Variants in CLPB observed in about 807,000 individuals in gnomAD.
CLPB encodes the protein mitochondrial disaggregase.
Under a neutral mutation model 78.4 loss-of-function variants are expected in CLPB, and 40 were observed. That is an observed-to-expected ratio of 0.51 (90% CI 0.40 to 0.66). The LOEUF is 0.66. CLPB is among the 30% of genes least tolerant of loss of function. The probability of loss-of-function intolerance (pLI) is 0.00; values close to 1 mark genes in which losing one functional copy is unlikely to be tolerated. For missense variants in CLPB, 780 were observed against 886.9 expected (o/e 0.88, Z 1.53); for synonymous variants, 333 against 348.0 (o/e 0.96, Z 0.48).
At chr11:72,394,922 T>G (rs1855361329) in intron 3 of CLPB, among the ~76,000 whole-genome samples, 3 of 152,184 alleles carry the variant, frequency 2.0e-5, no homozygotes. Context: ...CAAGGTACCC[T>G]GCTCAGGGGT....
At chr11:72,332,033 A>C (rs1950235848) in intron 5 of CLPB, among the ~76,000 whole-genome samples, 2 of 152,216 alleles carry the variant, frequency 1.3e-5, no homozygotes, top group African/African-American at 4.8e-5. Flanking sequence ...TAGGAAATAC[A>C]ATCCAGGTGA....
At chr11:72,375,319 T>G (rs560820099) in intron 4 of CLPB, among the ~76,000 whole-genome samples, 2 of 152,282 alleles carry the variant, frequency 1.3e-5, no homozygotes, top group African/African-American at 4.8e-5. Context: ...GCCTTCAGAA[T>G]AGAGAATGAG....
chr11:72,342,629 G>A (rs1430070352), intron 5 of CLPB, among the ~76,000 whole-genome samples: 1 of 152,290 alleles, frequency 6.6e-6, no homozygotes, highest in Non-Finnish European at 1.5e-5. Flanking sequence ...TCAGTGGGGA[G>A]GGAAAGGCTC....
chr11:72,352,556 A>G (rs992177690), intron 5 of CLPB: 2 of 152,250 alleles, frequency 1.3e-5, no homozygotes, highest in African/African-American at 4.8e-5. Context: ...TCATCCTTCA[A>G]GAGTTGGTGT....
chr11:72,358,489 G>A (rs1950764509), intron 5 of CLPB, among the ~76,000 whole-genome samples: 1 of 152,176 alleles, frequency 6.6e-6, no homozygotes, highest in African/African-American at 2.4e-5. Context: ...AAGAGCCTGT[G>A]TCCTTTGTTT....
chr11:72,352,748 C>T (rs1392275432), intron 5 of CLPB: 1 of 152,226 alleles, frequency 6.6e-6, no homozygotes, highest in Non-Finnish European at 1.5e-5. Context: ...ATGTCTGGAT[C>T]ATCTTTATTT....
intron 7 of CLPB, 47 bp downstream of exon 7, chr11:72,317,059 C>T: frequency 7.4e-7 from 1 of 1,345,698 alleles, no homozygotes; most frequent in Non-Finnish European, 1.0e-6. Flanking sequence ...CAGGATGTAC[C>T]CCTCAAAGGG....
intron 6 of CLPB, among the ~76,000 whole-genome samples, chr11:72,327,513 G>A (rs939471252): frequency 7.2e-5 from 11 of 152,162 alleles, no homozygotes; most frequent in Non-Finnish European, 1.3e-4. Flanking sequence ...CACTTCCCTT[G>A]GGCAGCTAAA....
intron 4 of CLPB, among the ~76,000 whole-genome samples, chr11:72,360,050 G>GGGCCCT (rs1355218985): frequency 2.0e-5 from 3 of 152,096 alleles, no homozygotes; most frequent in Non-Finnish European, 2.9e-5. Context: ...CCCACCTCTG[G>GGGCCCT]GGCCCTCCCT....
intron 11 of CLPB, among the ~76,000 whole-genome samples, chr11:72,297,455 G>A (rs979742826): frequency 2.9e-4 from 44 of 152,194 alleles, no homozygotes; most frequent in Non-Finnish European, 5.9e-5. Context: ...TACACAAGGG[G>A]CCTGGTAATC....
At chr11:72,392,075 G>A (rs1050404703) in intron 3 of CLPB, among the ~76,000 whole-genome samples, 3 of 152,026 alleles carry the variant, frequency 2.0e-5, no homozygotes, top group Non-Finnish European at 2.9e-5. Flanking sequence ...GGCCAGGCGC[G>A]TGTCAAAGAC....
At chr11:72,365,318 T>A (rs1168349235) in intron 4 of CLPB, among the ~76,000 whole-genome samples, 2 of 152,082 alleles carry the variant, frequency 1.3e-5, no homozygotes, top group African/African-American at 4.8e-5. Context: ...CAAGACCCTG[T>A]CTCAAAAAAT....
intron 11 of CLPB, among the ~76,000 whole-genome samples, chr11:72,297,700 T>TGTGTGTGTGTGC (rs1294715631): frequency 4.1e-5 from 5 of 121,966 alleles, no homozygotes; most frequent in Non-Finnish European, 8.4e-5. Flanking sequence ...TGTGTGTGTG[T>TGTGTGTGTGTGC]GTGACATGTC....
chr11:72,340,984 C>T lies in CLPB; in HGVS notation c.776-11180G>A, dbSNP rs374712395. 4.6e-5 allele frequency among the ~76,000 whole-genome samples: 7 copies of T among 152,122 alleles called. No homozygotes were observed. The East Asian group carries it at 5.8e-4, about 13-fold the overall frequency. ...TCCTGCCTCAGCCTGGCACCACGCC[C>T]GGCTAATTTTTTGTATCTTTAGTAG... On this transcript the variant is annotated intron_variant, in intron 5 of 15. Transcript: ENST00000538039.
intron 1 of CLPB, 125 bp downstream of exon 1, chr11:72,433,947 T>A: frequency 8.4e-7 from 1 of 1,197,216 alleles, no homozygotes; most frequent in Non-Finnish European, 1.2e-6. Context: ...CCAGATGATG[T>A]CTGAGTCCCT....
At chr11:72,430,526 C>T (rs1856514771) in intron 1 of CLPB, 163 bp from the exon 2 acceptor site, 1 of 611,618 alleles carries the variant, frequency 1.6e-6, no homozygotes, top group Non-Finnish European at 2.9e-6. Flanking sequence ...TCCCTCCCCA[C>T]ATGGTGTCCA....
intron 5 of CLPB, chr11:72,355,297 A>G (rs371139265): frequency 1.3e-5 from 2 of 152,270 alleles, no homozygotes; most frequent in East Asian, 3.8e-4. Context: ...GAGGATTCAG[A>G]TAAGAAAACA....
intron 4 of CLPB, among the ~76,000 whole-genome samples, chr11:72,365,529 C>G (rs1345796099): frequency 6.6e-6 from 1 of 152,062 alleles, no homozygotes; most frequent in Non-Finnish European, 1.5e-5. Flanking sequence ...TGTGAATATA[C>G]TATATAAACC....
intron 5 of CLPB, chr11:72,354,224 CA>C (rs957249272): frequency 4.6e-4 from 175 of 377,892 alleles, no homozygotes; most frequent in Middle Eastern, 2.0e-3. Context: ...GAAGCACATA[CA>C]AAAAAAAATT....
Sources: gnomAD v4.1 joint callset for allele counts (sites outside exome capture counted in the v4.1 genomes callset) on GRCh38, gnomAD v4.1.1 for gene constraint, MANE v1.5 for transcripts, NCBI Gene and HGNC (gene_info 2026-07-23, HGNC 2026-07-21) for gene names.